Variants in ALDOA observed in about 807,000 individuals in gnomAD.
The protein encoded by ALDOA is fructose-bisphosphate aldolase A.
In ALDOA, 26 loss-of-function variants were observed where a neutral mutation model predicts 43.9. That is an observed-to-expected ratio of 0.59 (90% CI 0.43 to 0.82). The LOEUF (loss-of-function observed/expected upper bound fraction) is 0.82, where lower values mean the gene tolerates loss of function less well. ALDOA is among the 40% of genes least tolerant of loss of function. The pLI, the probability that ALDOA is intolerant of heterozygous loss-of-function variation, is 0.00. For missense variants in ALDOA, 498 were observed against 549.5 expected, an observed-to-expected ratio of 0.91 and a Z score of 0.94; for synonymous variants, 258 against 222.6, an observed-to-expected ratio of 1.16 and a Z score of -1.42.
chr16:30,068,707 A>G lies in ALDOA; in HGVS notation c.541+7A>G, dbSNP rs2072207268. 6.2e-7 allele frequency: 1 copy of G among 1,614,090 alleles called. No individual in the cohort carries two copies. The highest frequency in any genetic ancestry group is 1.7e-5 in the Admixed American group (1 of 60,010). On this transcript the variant is annotated splice_region_variant and intron_variant, in intron 5 of 9. Transcript: ENST00000642816. Reference sequence around the variant, plus strand: ...GGCGAGACTACCACCCAAGGTGAGAACTGTTTGATTCTCTGCCCTACGAAC... The same window carrying G: ...GGCGAGACTACCACCCAAGGTGAGAGCTGTTTGATTCTCTGCCCTACGAAC...
At position 30,068,153 on chromosome 16, in the gene ALDOA, C is replaced by T. The variant is rs1465892260; in HGVS notation, c.486+492C>T. The T allele has an allele frequency of 4.2e-5, 11 of 264,712 alleles. No homozygotes were observed. In the Admixed American group the frequency reaches 5.1e-4, roughly 12 times the overall value. 16.4% of individuals were successfully genotyped at this position (264,712 alleles called of 1,614,324 possible). On this transcript the variant is annotated intron_variant, in intron 4 of 9. Coordinates refer to ENST00000642816, the MANE Select transcript of ALDOA (RefSeq NM_001243177.4). The stretch of plus-strand genomic sequence containing the variant: ...TCTCTTGGCTCACTGCAAGTTCCGC[C>T]TCCCAGGTTCACGCCATTCTCCTGC...
upstream of ALDOA, chr16:30,064,923 G>T: frequency 6.2e-6 from 1 of 161,818 alleles, no homozygotes; most frequent in Non-Finnish European, 1.3e-5. Context: ...AGATCAGTTC[G>T]GGGACGGATT....
In ALDOA at chr16:30,069,481, G is replaced by T; in HGVS notation, c.787-18G>T. 6.2e-7 allele frequency: 1 copy of T among 1,614,060 alleles called. No homozygotes were observed. Among genetic ancestry groups the T allele is most frequent in the Non-Finnish European group, 8.5e-7 (1 of 1,180,014 alleles). The stretch of plus-strand genomic sequence containing the variant: ...TCTCCTCCACCCCACTACCCACCGT[G>T]CGCCTGCTCTGCTCCAGGTGCTGGC... On this transcript the variant is annotated intron_variant, in intron 7 of 9. Transcript: ENST00000642816.
upstream of ALDOA, among the ~76,000 whole-genome samples, chr16:30,065,137 AT>A (rs2072055105): frequency 6.6e-6 from 1 of 152,172 alleles, no homozygotes; most frequent in East Asian, 1.9e-4. Flanking sequence ...TGGAACTCGG[AT>A]GGGGAGGTCT....
In ALDOA at chr16:30,070,316, C is replaced by CT. The variant is rs1276239649; in HGVS notation, c.*107dup. The CT allele has an allele frequency of 2.8e-6, 3 of 1,075,754 alleles. No homozygotes were observed. The African/African-American group carries it at 4.7e-5, about 17-fold the overall frequency. 66.6% of individuals were successfully genotyped at this position (1,075,754 alleles called of 1,614,324 possible). A position where few individuals can be genotyped will look rare whatever the true frequency, so the allele number is the denominator to read the frequency against. ...GGCTCCAGGCTGGCTTGCCCGCGCT[C>CT]TTTCTTCCCTCGTGACAGTGGTGTG... On this transcript the variant is annotated 3_prime_UTR_variant, in exon 10 of 10. Transcript: ENST00000642816.
chr16:30,066,578 CTT>C (rs1567321835), intron 1 of ALDOA, among the ~76,000 whole-genome samples: 2 of 152,320 alleles, frequency 1.3e-5, no homozygotes, highest in South Asian at 2.1e-4. Context: ...TCCTTGCTCT[CTT>C]ATATTTTTCC....
intron 6 of ALDOA, 50 bp downstream of exon 6, chr16:30,069,028 G>T: frequency 6.2e-7 from 1 of 1,613,044 alleles, no homozygotes; most frequent in Non-Finnish European, 8.5e-7. Context: ...TTTGGTTCCA[G>T]TGTTGTTAAT....
chr16:30,067,924 C>T, intron 4 of ALDOA: 1 of 540,972 alleles, frequency 1.8e-6, no homozygotes, highest in Non-Finnish European at 3.3e-6. Context: ...CAGTCTGACA[C>T]CCAATTCACT....
rs879014198 is a variant in ALDOA, at chr16:30,067,667, G to C, written c.486+6G>C. 5.0e-6 allele frequency: 8 copies of C among 1,614,072 alleles called. No homozygotes were observed. Among genetic ancestry groups the C allele is most frequent in the Middle Eastern group, 1.6e-4 (1 of 6,062 alleles). ...GCGGTGTTGTGGGCATCAAGGTAAGGGGAGGGCCTCCGGACGTGAGGTTTG... is the reference window on the plus strand; with the variant it reads ...GCGGTGTTGTGGGCATCAAGGTAAGCGGAGGGCCTCCGGACGTGAGGTTTG... On this transcript the variant is annotated splice_donor_region_variant and intron_variant, in intron 4 of 9. Coordinates refer to ENST00000642816, the MANE Select transcript of ALDOA (RefSeq NM_001243177.4).
At position 30,069,863 on chromosome 16, in the gene ALDOA, A is replaced by G. The variant is rs771967749; in HGVS notation, c.995A>G (p.Glu332Gly). ...ITFLSGGQSE[E>G]EASINLNAIN... ...TTCCTGTCTGGAGGCCAGAGTGAGGAGGAGGCGTCCATCAACCTCAATGCC... is the reference window on the plus strand; with the variant it reads ...TTCCTGTCTGGAGGCCAGAGTGAGGGGGAGGCGTCCATCAACCTCAATGCC... Residue 332 changes from glutamate to glycine, a missense_variant, in exon 9 of 10, where the codon GAG becomes GGG. Transcript: ENST00000642816. 6.2e-7 allele frequency: 1 copy of G among 1,614,116 alleles called. No individual in the cohort carries two copies. Among genetic ancestry groups the G allele is most frequent in the Non-Finnish European group, 8.5e-7 (1 of 1,180,010 alleles).
intron 6 of ALDOA, 131 bp downstream of exon 6, chr16:30,069,109 A>G: frequency 9.5e-6 from 14 of 1,474,610 alleles, no homozygotes; most frequent in Non-Finnish European, 1.3e-5. Flanking sequence ...GAGGACACTC[A>G]AGGGCTGTTG....
At chr16:30,068,596 T>A in intron 4 of ALDOA, 50 bp from the exon 5 acceptor site, 1 of 1,596,918 alleles carries the variant, frequency 6.3e-7, no homozygotes, top group East Asian at 2.2e-5. Context: ...GTGGAAAGGG[T>A]GCTAGAGGTC....
Position 30,066,960 on chromosome 16 carries a change from C to G in ALDOA, c.63C>G (p.Ala21=). The part of the protein sequence containing the change: ...FNMTHLSMAM[A]FSFPPVASGQ... ...TGACCCACCTGTCCATGGCTATGGC[C>G]TTTTCCTTTCCCCCAGTTGCCAGTG... The change falls in exon 2 of 10, where the codon GCC becomes GCG. Residue 21 remains alanine (A), a synonymous_variant. Coordinates refer to ENST00000642816, the MANE Select transcript of ALDOA (RefSeq NM_001243177.4). The G allele has an allele frequency of 6.4e-7, 1 of 1,552,158 alleles. No homozygotes were observed. The highest frequency in any genetic ancestry group is 1.4e-5 in the African/African-American group (1 of 73,208).
upstream of ALDOA, among the ~76,000 whole-genome samples, chr16:30,065,088 A>AGC (rs1432876295): frequency 2.0e-5 from 3 of 152,098 alleles, no homozygotes; most frequent in African/African-American, 7.2e-5. Flanking sequence ...CCCGGCGGAG[A>AGC]GCGCGCACGC....
intron 1 of ALDOA, 50 bp from the exon 2 acceptor site, chr16:30,066,835 G>C: frequency 6.6e-7 from 1 of 1,521,542 alleles, no homozygotes; most frequent in Non-Finnish European, 8.9e-7. Flanking sequence ...CCCTCTGCTT[G>C]ATTCACGATC....
At chr16:30,066,545 TC>T (rs2072112093) in intron 1 of ALDOA, among the ~76,000 whole-genome samples, 2 of 152,232 alleles carry the variant, frequency 1.3e-5, no homozygotes, top group African/African-American at 4.8e-5. Flanking sequence ...TAGGGCTTGT[TC>T]CGCCGCCCTT....
intron 4 of ALDOA, chr16:30,068,064 T>A (rs1293127951): frequency 4.7e-5 from 4 of 84,940 alleles, no homozygotes; most frequent in Non-Finnish European, 9.7e-5. Flanking sequence ...TTAAGTAAAT[T>A]TTTTTTTTTT....
chr16:30,068,572 C>T, intron 4 of ALDOA, 74 bp from the exon 5 acceptor site: 3 of 1,540,790 alleles, frequency 1.9e-6, no homozygotes, highest in South Asian at 2.2e-5. Context: ...CACTGTACTC[C>T]AGCCGGGGCG....
chr16:30,070,042 A>C lies in ALDOA; in HGVS notation c.1161+13A>C. 1 of 1,613,714 alleles carries C rather than the reference A, an allele frequency of 6.2e-7. No individual in the cohort carries two copies. Among genetic ancestry groups the C allele is most frequent in the Non-Finnish European group, 8.5e-7 (1 of 1,179,976 alleles). On this transcript the variant is annotated intron_variant, in intron 9 of 9. Transcript: ENST00000642816. ...CAAGCGAGCCCTGGTAAGGATAGGC[A>C]GGAGGTGGGCAGGGTGCCTGGGTGG...
Sources: allele counts gnomAD v4.1 joint callset (sites outside exome capture counted in the v4.1 genomes callset), GRCh38; gene constraint gnomAD v4.1.1; transcripts MANE v1.5; gene names NCBI Gene and HGNC (gene_info 2026-07-23, HGNC 2026-07-21).